The following TMEM108 variants were observed in gnomAD, a reference collection of about 807,000 sequenced individuals.
TMEM108 encodes the protein cancer/testis antigen 124.
A neutral mutation model predicts 35.1 loss-of-function variants in TMEM108; 12 were observed. That is an observed-to-expected ratio of 0.34 (90% CI 0.22 to 0.55). The LOEUF is 0.55. Among genes scored for constraint, TMEM108 ranks in the 20% least tolerant of loss-of-function variants. The pLI is 0.89. For missense variants in TMEM108, 680 were observed against 753.3 expected, an observed-to-expected ratio of 0.90 and a Z score of 1.14; for synonymous variants, 287 against 308.6, an observed-to-expected ratio of 0.93 and a Z score of 0.73.
intron 3 of TMEM108, among the ~76,000 whole-genome samples, chr3:133,280,967 A>G (rs1192374144): frequency 6.6e-6 from 1 of 152,244 alleles, no homozygotes; most frequent in African/African-American, 2.4e-5. Flanking sequence ...AAGCTTTCAC[A>G]CTGTCACTTC....
chr3:133,041,655 A>G (rs987485269), intron 1 of TMEM108: 1 of 152,284 alleles, frequency 6.6e-6, no homozygotes, highest in African/African-American at 2.4e-5. Flanking sequence ...GGGAGAAGGC[A>G]GAGAGTAAAC....
chr3:133,137,631 G>T (rs1410315366), intron 2 of TMEM108, among the ~76,000 whole-genome samples: 2 of 152,138 alleles, frequency 1.3e-5, no homozygotes, highest in Non-Finnish European at 2.9e-5. Context: ...TACAGTTTCT[G>T]GCTATCCTTG....
chr3:133,324,100 C>T (rs2071300031), intron 3 of TMEM108, among the ~76,000 whole-genome samples: 3 of 152,160 alleles, frequency 2.0e-5, no homozygotes, highest in Admixed American at 2.0e-4. Context: ...AAAAACTCTT[C>T]CATACATTGG....
intron 3 of TMEM108, among the ~76,000 whole-genome samples, chr3:133,350,933 A>G (rs904356835): frequency 6.6e-6 from 1 of 152,188 alleles, no homozygotes; most frequent in Admixed American, 6.5e-5. Context: ...GAAAGGAAAG[A>G]TATGACATTG....
At chr3:133,063,959 TAGAC>T (rs1943565909) in intron 2 of TMEM108, among the ~76,000 whole-genome samples, 1 of 152,212 alleles carries the variant, frequency 6.6e-6, no homozygotes, top group African/African-American at 2.4e-5. Context: ...TTTCACCACA[TAGAC>T]AGCATTCCCT....
intron 2 of TMEM108, among the ~76,000 whole-genome samples, chr3:133,222,500 T>C (rs1271511804): frequency 1.3e-5 from 2 of 152,078 alleles, no homozygotes; most frequent in East Asian, 3.9e-4. Flanking sequence ...TTCTTAACCC[T>C]CCTATAATTC....
At chr3:133,157,407 C>G (rs1316268579) in intron 2 of TMEM108, among the ~76,000 whole-genome samples, 1 of 152,168 alleles carries the variant, frequency 6.6e-6, no homozygotes, top group Non-Finnish European at 1.5e-5. Flanking sequence ...TAATTAAAGA[C>G]AAGCTACCTT....
chr3:133,316,938 G>C (rs2071207109), intron 3 of TMEM108, among the ~76,000 whole-genome samples: 1 of 152,228 alleles, frequency 6.6e-6, no homozygotes, highest in South Asian at 2.1e-4. Flanking sequence ...AAGTCAAACT[G>C]TGGGTGGGAG....
chr3:133,244,580 T>A (rs1377778882), intron 3 of TMEM108, among the ~76,000 whole-genome samples: 1 of 152,238 alleles, frequency 6.6e-6, no homozygotes, highest in African/African-American at 2.4e-5. Flanking sequence ...TAAATCATAA[T>A]GATAAATGAG....
At chr3:133,078,162 C>CTGTGTGT (rs1559825394) in intron 2 of TMEM108, among the ~76,000 whole-genome samples, 5 of 30,428 alleles carry the variant, frequency 1.6e-4, no homozygotes, top group Admixed American at 1.0e-3. Context: ...TGTGTGTGCA[C>CTGTGTGT]GCGCGCGCGC....
rs192489920 is a variant in TMEM108, at chr3:133,096,693, G to A, written c.-47+50673G>A. ...GAGCAAAGCCGATTCTGTAAGCCTT[G>A]TTTTGTGGGTGCTTGATCTTTTATT... On this transcript the variant is annotated intron_variant, in intron 2 of 5. Transcript: ENST00000321871. Among the ~76,000 whole-genome samples, 14 of 152,282 alleles carry A rather than the reference G, an allele frequency of 9.2e-5. 1 individual carries two copies. The highest frequency in any genetic ancestry group is 3.1e-4 in the African/African-American group (13 of 41,570).
intron 2 of TMEM108, among the ~76,000 whole-genome samples, chr3:133,093,251 A>C (rs542597207): frequency 6.6e-6 from 1 of 152,276 alleles, no homozygotes; most frequent in East Asian, 1.9e-4. Flanking sequence ...TTGGCCTCCC[A>C]AAGTGCTGGG....
At chr3:133,322,088 A>G (rs2071274148) in intron 3 of TMEM108, among the ~76,000 whole-genome samples, 1 of 152,206 alleles carries the variant, frequency 6.6e-6, no homozygotes, top group African/African-American at 2.4e-5. Flanking sequence ...GAAAGAGCAC[A>G]AAGAGACAGT....
chr3:133,185,123 A>C (rs981906009), intron 2 of TMEM108, among the ~76,000 whole-genome samples: 1 of 152,172 alleles, frequency 6.6e-6, no homozygotes, highest in African/African-American at 2.4e-5. Context: ...TGTCTGTAGA[A>C]TTTATCCTAG....
intron 2 of TMEM108, among the ~76,000 whole-genome samples, chr3:133,151,308 C>G (rs940884674): frequency 3.3e-5 from 5 of 152,074 alleles, no homozygotes; most frequent in Non-Finnish European, 7.4e-5. Context: ...GTTTATGGCA[C>G]CAAGATGCCC....
chr3:133,390,219 A>C lies in TMEM108; in HGVS notation c.1490A>C (p.Lys497Thr). 6.2e-7 allele frequency: 1 copy of C among 1,614,132 alleles called. No homozygotes were observed. Among genetic ancestry groups the C allele is most frequent in the Non-Finnish European group, 8.5e-7 (1 of 1,179,986 alleles). ...GTGTGCTGCATGAAGAGGAAGAAGA[A>C]GACCGCCAACCCGGAGAACAACCTG... ...LTVCCMKRKKKTANPENNLSY... is the reference protein window; with the variant it reads ...LTVCCMKRKKTTANPENNLSY... Residue 497 changes from lysine to threonine, a missense_variant, in exon 5 of 6, where the codon AAG (lysine) becomes ACG (threonine). Lys to Thr is a moderately conservative substitution (Grantham distance 78, BLOSUM62 -1). This residue lies in a region of TMEM108 where 105 missense variants were observed against 150.7 expected (regional missense o/e 0.70). Coordinates refer to ENST00000321871, the MANE Select transcript of TMEM108 (RefSeq NM_023943.4).
Position 133,106,477 on chromosome 3 carries a change from A to T in TMEM108, c.-47+60457A>T, listed in dbSNP as rs544659381. On this transcript the variant is annotated intron_variant, in intron 2 of 5. Transcript: ENST00000321871. ...AGACAGTGAGGTGGGCTAGTGTATCATGTAGAGCTAGCCTCCAGGGTGGCC... is the reference window on the plus strand; with the variant it reads ...AGACAGTGAGGTGGGCTAGTGTATCTTGTAGAGCTAGCCTCCAGGGTGGCC... Among the ~76,000 whole-genome samples the T allele has an allele frequency of 7.2e-5, 11 of 152,294 alleles. No individual in the cohort carries two copies. In the South Asian group the frequency reaches 2.3e-3, roughly 32 times the overall value.
chr3:133,244,087 G>C (rs1946350892), intron 3 of TMEM108, among the ~76,000 whole-genome samples: 1 of 152,172 alleles, frequency 6.6e-6, no homozygotes, highest in Non-Finnish European at 1.5e-5. Context: ...GGGTGACAGA[G>C]TATTATAATC....
intron 2 of TMEM108, among the ~76,000 whole-genome samples, chr3:133,174,757 A>G (rs1481278487): frequency 2.6e-5 from 4 of 152,232 alleles, no homozygotes; most frequent in Non-Finnish European, 5.9e-5. Context: ...GGAAACTCTG[A>G]AAATCAGAGC....
Sources: gnomAD v4.1 joint callset for allele counts (sites outside exome capture counted in the v4.1 genomes callset) on GRCh38, gnomAD v4.1.1 for gene constraint, gnomAD v4.1.1 regional missense constraint, MANE v1.5 for transcripts, NCBI Gene and HGNC (gene_info 2026-07-23, HGNC 2026-07-21) for gene names.